The following CAMK2B variants were observed in gnomAD, a reference collection of about 807,000 sequenced individuals.
CAMK2B encodes the protein calcium/calmodulin dependent protein kinase II beta, also known as calcium/calmodulin-dependent protein kinase type II subunit beta.
CAMK2B carries 27 observed loss-of-function variants against 93.7 expected under a neutral mutation model. That is an observed-to-expected ratio of 0.29 (90% CI 0.21 to 0.40). CAMK2B has a LOEUF of 0.40. CAMK2B is among the 10% of genes least tolerant of loss of function. CAMK2B has a pLI of 1.00. For missense variants in CAMK2B, 568 were observed against 895.8 expected, an observed-to-expected ratio of 0.63 and a Z score of 4.67; for synonymous variants, 374 against 358.8, an observed-to-expected ratio of 1.04 and a Z score of -0.48.
At chr7:44,289,924 C>G (rs990964164) in intron 1 of CAMK2B, among the ~76,000 whole-genome samples, 6 of 152,208 alleles carry the variant, frequency 3.9e-5, no homozygotes, top group Non-Finnish European at 2.9e-5. Flanking sequence ...CTCTCTCTGC[C>G]TCCCGCAGCC....
chr7:44,304,045 A>T (rs533881877), intron 1 of CAMK2B, among the ~76,000 whole-genome samples: 1 of 152,218 alleles, frequency 6.6e-6, no homozygotes, highest in African/African-American at 2.4e-5. Flanking sequence ...AAAAAGAGCT[A>T]TCACTATACA....
intron 1 of CAMK2B, among the ~76,000 whole-genome samples, chr7:44,310,082 G>A (rs927711195): frequency 6.6e-6 from 1 of 152,262 alleles, no homozygotes; most frequent in African/African-American, 2.4e-5. Context: ...GGCGGGGGCG[G>A]GGGCGCTTTG....
At chr7:44,292,375 A>G (rs1206789139) in intron 1 of CAMK2B, among the ~76,000 whole-genome samples, 1 of 152,122 alleles carries the variant, frequency 6.6e-6, no homozygotes, top group Non-Finnish European at 1.5e-5. Flanking sequence ...TTCCACATAC[A>G]TGAATTCTGG....
rs572830218 is a variant in CAMK2B at position 44,320,859 on chromosome 7, T to C, written c.65+4498A>G. 4.6e-5 allele frequency among the ~76,000 whole-genome samples: 7 copies of C among 152,132 alleles called. No individual in the cohort carries two copies. In the South Asian group the frequency reaches 1.5e-3, roughly 32 times the overall value. ...GGGCCAGGCACTGGGGACACAACCA[T>C]GGCAGGGAGCCGGACCTCCGCCTCT... On this transcript the variant is annotated intron_variant, in intron 1 of 23. Transcript: ENST00000395749.
intron 20 of CAMK2B, among the ~76,000 whole-genome samples, chr7:44,223,925 G>A (rs1254075564): frequency 1.3e-5 from 2 of 152,208 alleles, no homozygotes; most frequent in African/African-American, 4.8e-5. Context: ...ACAGCAGCAG[G>A]CAGCTGGAAT....
intron 2 of CAMK2B, among the ~76,000 whole-genome samples, chr7:44,263,638 C>T (rs1006758952): frequency 2.0e-5 from 3 of 152,034 alleles, no homozygotes; most frequent in East Asian, 3.9e-4. Context: ...CCCCGGACAC[C>T]GGAGGCGTGG....
chr7:44,270,794 G>A (rs2096967455), intron 2 of CAMK2B, among the ~76,000 whole-genome samples: 1 of 152,254 alleles, frequency 6.6e-6, no homozygotes, highest in Non-Finnish European at 1.5e-5. Context: ...TCTGGACCTT[G>A]GTGGGGTCAG....
intron 1 of CAMK2B, among the ~76,000 whole-genome samples, chr7:44,294,276 G>T (rs909802475): frequency 1.3e-5 from 2 of 152,200 alleles, no homozygotes; most frequent in African/African-American, 4.8e-5. Context: ...GCAACAGGAG[G>T]CAGGACAAGG....
intron 12 of CAMK2B, among the ~76,000 whole-genome samples, chr7:44,240,506 G>A (rs1001849048): frequency 6.6e-6 from 1 of 152,242 alleles, no homozygotes; most frequent in African/African-American, 2.4e-5. Flanking sequence ...TGATGGCCTC[G>A]GGGGGCTGGA....
At chr7:44,240,856 T>A in intron 11 of CAMK2B, 107 bp from the exon 12 acceptor site, 51 of 1,180,884 alleles carry the variant, frequency 4.3e-5, no homozygotes, top group Non-Finnish European at 5.7e-5. Flanking sequence ...AGCCTCATTG[T>A]CATGAGGCTG....
intron 5 of CAMK2B, among the ~76,000 whole-genome samples, chr7:44,247,611 A>G (rs939427043): frequency 7.3e-5 from 11 of 151,478 alleles, no homozygotes; most frequent in Non-Finnish European, 1.3e-4. Context: ...GGGAAGGGTC[A>G]AGGCGGCTGG....
At chr7:44,226,421 G>T (rs1431451324) in intron 20 of CAMK2B, 95 bp downstream of exon 20, 2 of 1,070,144 alleles carry the variant, frequency 1.9e-6, no homozygotes, top group African/African-American at 1.7e-5. Flanking sequence ...GCCCTCCTCC[G>T]CAAGAATGGC....
At position 44,248,151 on chromosome 7, in the gene CAMK2B, G is replaced by A. The variant is rs1010651490; in HGVS notation, c.342-959C>T. 2.0e-5 allele frequency among the ~76,000 whole-genome samples: 3 copies of A among 152,242 alleles called. No individual in the cohort carries two copies. Among genetic ancestry groups the A allele is most frequent in the African/African-American group, 7.2e-5 (3 of 41,466 alleles). On this transcript the variant is annotated intron_variant, in intron 5 of 23. Transcript: ENST00000395749. The surrounding 1 kb of genome is among the most constrained non-coding windows in gnomAD (Gnocchi z 4.1). The stretch of plus-strand genomic sequence containing the variant: ...TCAGCTCCCAGGGATCTGAGGGGCT[G>A]GGCAGGGGGCTGTGTGTGCACAGCA...
intron 1 of CAMK2B, 88 bp downstream of exon 1, chr7:44,325,268 AG>A: frequency 2.9e-6 from 2 of 692,182 alleles, no homozygotes; most frequent in Non-Finnish European, 3.6e-6. Flanking sequence ...GCGGGCCCGC[AG>A]TGCGCCTGGA....
Position 44,312,259 on chromosome 7 carries a change from C to T in CAMK2B, c.65+13098G>A, listed in dbSNP as rs1481404184. On this transcript the variant is annotated intron_variant, in intron 1 of 23. Transcript: ENST00000395749. This position sits in a 1 kb window ranked among gnomAD's most constrained non-coding sequence, Gnocchi z 4.1. ...TCTATTCCAGCATCCTCAGCCCACA[C>T]TGGGGGAAATAGTTCAGCCAGGTGT... is the stretch of plus-strand genomic sequence containing the variant. Among the ~76,000 whole-genome samples, 1 of 151,026 alleles carries T rather than the reference C, an allele frequency of 6.6e-6. No individual in the cohort carries two copies. Among genetic ancestry groups the T allele is most frequent in the Non-Finnish European group, 1.5e-5 (1 of 67,730 alleles).
rs992930634 is a variant in CAMK2B, at chr7:44,217,405, C to T, written c.*2120G>A. ...TAGGGGTCATGCAAAAGAATTATCC[C>T]CCAGAAAAAAAATCCCCAAATTATC... On this transcript the variant is annotated 3_prime_UTR_variant, in exon 24 of 24. Coordinates refer to ENST00000395749, the MANE Select transcript of CAMK2B (RefSeq NM_001220.5). 4 of 152,108 alleles carry T rather than the reference C, an allele frequency of 2.6e-5. No individual in the cohort carries two copies. The highest frequency in any genetic ancestry group is 3.9e-4 in the East Asian group (2 of 5,156). The allele number at this position is 152,108 out of a possible 1,614,324, so 9.4% of individuals were successfully genotyped here.
intron 1 of CAMK2B, among the ~76,000 whole-genome samples, chr7:44,300,022 G>GTGTCTGTGTC (rs776187126): frequency 1.8e-5 from 2 of 109,846 alleles, no homozygotes; most frequent in Non-Finnish European, 4.1e-5. Context: ...GTATGTGTCT[G>GTGTCTGTGTC]TGTGTGTGTG....
rs2096481430 is a variant in CAMK2B, at chr7:44,226,509, T to C, written c.1597+7A>G. On this transcript the variant is annotated splice_region_variant and intron_variant, in intron 20 of 23. Coordinates refer to ENST00000395749, the MANE Select transcript of CAMK2B (RefSeq NM_001220.5). ...CCGCTGCCACGGCCACTCAAGGTGC[T>C]ACTTACATGGGGTGGGCAGGGGGCC... 1.4e-6 allele frequency: 2 copies of C among 1,420,946 alleles called. No individual in the cohort carries two copies. The highest frequency in any genetic ancestry group is 1.5e-5 in the African/African-American group (1 of 67,054). 88.0% of individuals were successfully genotyped at this position (1,420,946 alleles called of 1,614,324 possible).
intron 5 of CAMK2B, among the ~76,000 whole-genome samples, chr7:44,250,174 G>A (rs2096766931): frequency 6.6e-6 from 1 of 152,158 alleles, no homozygotes; most frequent in South Asian, 2.1e-4. Context: ...ACCTGGCCTG[G>A]GACAGCCCAT....
Sources: gnomAD v4.1 joint callset for allele counts (sites outside exome capture counted in the v4.1 genomes callset) on GRCh38, gnomAD v4.1.1 for gene constraint, Gnocchi (gnomAD v3.1) non-coding constraint, MANE v1.5 for transcripts, NCBI Gene and HGNC (gene_info 2026-07-23, HGNC 2026-07-21) for gene names.